Variants in MYO16 observed in about 807,000 individuals in gnomAD.
MYO16 encodes myosin XVI.
A neutral mutation model predicts 205.3 loss-of-function variants in MYO16; 94 were observed. The ratio of observed to expected loss-of-function variants is 0.46; its 90% CI spans 0.39 to 0.54. The LOEUF (loss-of-function observed/expected upper bound fraction) is 0.54. Among genes scored for constraint, MYO16 ranks in the 20% least tolerant of loss-of-function variants. The probability of loss-of-function intolerance (pLI) is 0.00; values close to 1 mark genes in which losing one functional copy is unlikely to be tolerated. For synonymous variants in MYO16, 988 were observed against 954.0 expected (o/e 1.04, Z -0.66); for missense variants, 2,315 against 2,387.5 (o/e 0.97, Z 0.63).
intron 21 of MYO16, among the ~76,000 whole-genome samples, 154 bp downstream of exon 21, chr13:108,992,602 A>G (rs1488630651): frequency 1.3e-5 from 2 of 152,210 alleles, no homozygotes; most frequent in African/African-American, 4.8e-5. Flanking sequence ...GTTTATCAAT[A>G]TATTAACCAT....
At chr13:109,028,947 TC>T (rs1886456616) in intron 23 of MYO16, among the ~76,000 whole-genome samples, 1 of 151,936 alleles carries the variant, frequency 6.6e-6, no homozygotes, top group Admixed American at 6.6e-5. Flanking sequence ...CGTATCTCTA[TC>T]TTTGAATAAA....
chr13:108,873,611 C>CA (rs1249214311), intron 12 of MYO16, among the ~76,000 whole-genome samples: 1 of 151,540 alleles, frequency 6.6e-6, no homozygotes, highest in Non-Finnish European at 1.5e-5. Context: ...CCATGCCAAC[C>CA]ACCAGGACAG....
chr13:108,608,320 C>T (rs1330242306), intron 1 of MYO16, among the ~76,000 whole-genome samples: 8 of 152,096 alleles, frequency 5.3e-5, no homozygotes, highest in African/African-American at 1.7e-4. Flanking sequence ...TTTCTTGGTT[C>T]CTCTGCTAAT....
At chr13:108,616,503 A>G (rs1879355515) in intron 1 of MYO16, among the ~76,000 whole-genome samples, 1 of 152,052 alleles carries the variant, frequency 6.6e-6, no homozygotes. Flanking sequence ...TCATATGATG[A>G]TGACTTGGGA....
At chr13:108,899,735 C>T (rs75396145) in intron 15 of MYO16, among the ~76,000 whole-genome samples, 3,886 of 152,186 alleles carry the variant, frequency 0.026, 231 homozygotes, top group East Asian at 0.17. Context: ...TGGGCTGTGG[C>T]GATGTTCTCT....
chr13:108,641,678 C>G (rs1309873430), intron 1 of MYO16, among the ~76,000 whole-genome samples: 1 of 152,082 alleles, frequency 6.6e-6, no homozygotes, highest in South Asian at 2.1e-4. Context: ...TTTGGAGAAC[C>G]GAGTTGAGAT....
the MYO16 span, among the ~76,000 whole-genome samples, chr13:108,496,338 G>A: frequency 6.6e-6 from 1 of 152,210 alleles, no homozygotes; most frequent in Non-Finnish European, 1.5e-5. Context: ...CTACACAACC[G>A]CTCCCAGGCG....
intron 32 of MYO16, among the ~76,000 whole-genome samples, chr13:109,145,986 C>T (rs1877310443): frequency 6.6e-6 from 1 of 152,214 alleles, no homozygotes. Context: ...TGATACAGTG[C>T]ATCCTTAGCT....
intron 4 of MYO16, among the ~76,000 whole-genome samples, chr13:108,781,475 G>A (rs1886301077): frequency 6.6e-6 from 1 of 152,172 alleles, no homozygotes; most frequent in African/African-American, 2.4e-5. Context: ...TGTCTCAGCT[G>A]CTTGGTCCAG....
At chr13:108,646,474 CT>C (rs1880762066) in intron 1 of MYO16, among the ~76,000 whole-genome samples, 1 of 152,226 alleles carries the variant, frequency 6.6e-6, no homozygotes, top group African/African-American at 2.4e-5. Flanking sequence ...CCTCGTGTCT[CT>C]CTTCAACTCA....
intron 27 of MYO16, among the ~76,000 whole-genome samples, chr13:109,092,827 T>C (rs747240123): frequency 2.6e-5 from 4 of 152,246 alleles, no homozygotes; most frequent in Non-Finnish European, 5.9e-5. Flanking sequence ...TTCTGCTTTA[T>C]ACTGGAAGGA....
At chr13:109,136,821 G>GT (rs1876797542) in intron 31 of MYO16, among the ~76,000 whole-genome samples, 1 of 143,494 alleles carries the variant, frequency 7.0e-6, no homozygotes, top group South Asian at 2.2e-4. Context: ...AGAGTTTAAG[G>GT]TTTTTTTGTT....
chr13:108,619,858 C>T (rs536194626), intron 1 of MYO16, among the ~76,000 whole-genome samples: 2 of 152,112 alleles, frequency 1.3e-5, no homozygotes, highest in South Asian at 2.1e-4. Context: ...AGGGACGATG[C>T]GCGGTGAGGA....
the MYO16 span, among the ~76,000 whole-genome samples, chr13:108,542,245 C>G: frequency 1.3e-5 from 2 of 151,814 alleles, no homozygotes; most frequent in African/African-American, 4.8e-5. Context: ...CTCATGGTCT[C>G]ACAAGTGAGA....
At chr13:108,968,646 T>G (rs562586663) in intron 20 of MYO16, among the ~76,000 whole-genome samples, 79 of 151,586 alleles carry the variant, frequency 5.2e-4, no homozygotes, top group African/African-American at 1.9e-3. Flanking sequence ...AAAAAGACAA[T>G]GGAGTAAGGC....
At chr13:108,531,488 A>G in the MYO16 span, among the ~76,000 whole-genome samples, 1 of 152,282 alleles carries the variant, frequency 6.6e-6, no homozygotes, top group African/African-American at 2.4e-5. Flanking sequence ...ATAGGTTTAA[A>G]GTGGGCTTCG....
chr13:108,787,013 C>G (rs930134125), intron 5 of MYO16, among the ~76,000 whole-genome samples: 2 of 152,190 alleles, frequency 1.3e-5, no homozygotes, highest in Non-Finnish European at 2.9e-5. Context: ...GGATCCTTGC[C>G]AGACTTCGCA....
intron 4 of MYO16, among the ~76,000 whole-genome samples, chr13:108,754,220 G>T (rs1188209775): frequency 2.6e-5 from 4 of 151,938 alleles, no homozygotes; most frequent in Non-Finnish European, 5.9e-5. Context: ...AAGACAAGCT[G>T]TAGCATGCAG....
intron 27 of MYO16, among the ~76,000 whole-genome samples, chr13:109,069,506 C>G (rs1460356830): frequency 1.1e-4 from 16 of 151,946 alleles, no homozygotes. Context: ...TTCATTTTTT[C>G]ACAGTCTGGA....
Sources: gnomAD v4.1 joint callset for allele counts (sites outside exome capture counted in the v4.1 genomes callset) on GRCh38, gnomAD v4.1.1 for gene constraint, MANE v1.5 for transcripts, NCBI Gene and HGNC (gene_info 2026-07-23, HGNC 2026-07-21) for gene names.